The following PIP4P1 variants were observed in gnomAD, a reference collection of about 807,000 sequenced individuals.
PIP4P1 encodes phosphatidylinositol-4,5-bisphosphate 4-phosphatase 1, also known as type 1 phosphatidylinositol 4,5-bisphosphate 4-phosphatase.
A neutral mutation model predicts 32.3 loss-of-function variants in PIP4P1; 14 were observed. The observed-to-expected ratio is 0.43, with a 90% CI of 0.29 to 0.68. PIP4P1 has a LOEUF of 0.68. Ranked by LOEUF, PIP4P1 falls within the 30% of genes least tolerant of loss-of-function variation. The pLI is 0.15. For missense variants in PIP4P1, 289 were observed against 364.5 expected (o/e 0.79, Z 1.69); for synonymous variants, 132 against 137.9 (o/e 0.96, Z 0.30).
Position 20,459,186 on chromosome 14 carries a change from G to A in PIP4P1, c.690+20C>T. 1 of 1,613,354 alleles carries A rather than the reference G, an allele frequency of 6.2e-7. No individual in the cohort carries two copies. The highest frequency in any genetic ancestry group is 8.5e-7 in the Non-Finnish European group (1 of 1,179,574). The stretch of plus-strand genomic sequence containing the variant: ...GAGATGAGGCTGCAGAATGAAAGAG[G>A]TTGGGGCAAGGGTACTCACGGCAAG... On this transcript the variant is annotated intron_variant, in intron 6 of 6. Coordinates refer to ENST00000250489, the MANE Select transcript of PIP4P1 (RefSeq NM_144568.4).
At chr14:20,460,020 T>A in intron 3 of PIP4P1, 172 bp downstream of exon 3, 2 of 652,488 alleles carry the variant, frequency 3.1e-6, no homozygotes, top group South Asian at 3.6e-5. Context: ...CATCTCAATA[T>A]TTTTATTGAG....
rs527263825 is a variant in PIP4P1, at chr14:20,461,003, C to T, written c.143-158G>A. 370 of 1,251,434 alleles carry T rather than the reference C, an allele frequency of 3.0e-4. 2 individuals are homozygous for T. In the African/African-American group the frequency reaches 4.4e-3, roughly 15 times the overall value. The allele number at this position is 1,251,434 out of a possible 1,614,324, so 77.5% of individuals were successfully genotyped here. A position where few individuals can be genotyped will look rare whatever the true frequency, so the allele number is the denominator to read the frequency against. On this transcript the variant is annotated intron_variant, in intron 1 of 6. Transcript: ENST00000250489. ...AGGTTGCTCAGAACCCCCTTCCGTC[C>T]CTAGGCTGTGGTCGCGATTACGGAG... is the stretch of plus-strand genomic sequence containing the variant.
chr14:20,458,235 A>G lies in PIP4P1; in HGVS notation c.*324T>C. 2.1e-6 allele frequency: 1 copy of G among 470,102 alleles called. No individual in the cohort carries two copies. The highest frequency in any genetic ancestry group is 6.2e-5 in the East Asian group (1 of 16,024). The allele number at this position is 470,102 out of a possible 1,614,324, so 29.1% of individuals were successfully genotyped here. ...ACCCCCACCCTGCCCTGGAATGTGT[A>G]AGGGACAGGAATGGCTCTCAGGGAG... On this transcript the variant is annotated 3_prime_UTR_variant, in exon 7 of 7. Coordinates refer to ENST00000250489, the MANE Select transcript of PIP4P1 (RefSeq NM_144568.4).
intron 6 of PIP4P1, 27 bp downstream of exon 6, chr14:20,459,179 G>T: frequency 1.2e-6 from 2 of 1,612,024 alleles, no homozygotes; most frequent in South Asian, 2.2e-5. Context: ...GCTGCAGAAT[G>T]AAAGAGGTTG....
Position 20,459,382 on chromosome 14 carries a change from A to T in PIP4P1, c.599+6T>A. On this transcript the variant is annotated splice_donor_region_variant and intron_variant, in intron 5 of 6. Coordinates refer to ENST00000250489, the MANE Select transcript of PIP4P1 (RefSeq NM_144568.4). ...TCAATTACCAGCTCAATCCCTAATCACTTACACTTTCCTGCAGTGAGGACA... is the reference window on the plus strand; with the variant it reads ...TCAATTACCAGCTCAATCCCTAATCTCTTACACTTTCCTGCAGTGAGGACA... 1 of 1,614,194 alleles carries T rather than the reference A, an allele frequency of 6.2e-7. No individual in the cohort carries two copies. Among genetic ancestry groups the T allele is most frequent in the Non-Finnish European group, 8.5e-7 (1 of 1,180,046 alleles).
intron 6 of PIP4P1, 160 bp downstream of exon 6, chr14:20,459,046 G>T: frequency 1.4e-6 from 1 of 725,680 alleles, no homozygotes. Context: ...AATAAAGTCT[G>T]TTTGATCAGC....
intron 1 of PIP4P1, 139 bp from the exon 2 acceptor site, chr14:20,460,984 C>T: frequency 2.4e-6 from 3 of 1,275,556 alleles, no homozygotes; most frequent in Non-Finnish European, 3.1e-6. Flanking sequence ...TATCAGGTTG[C>T]TCAGAACCCC....
At position 20,461,344 on chromosome 14, in the gene PIP4P1, C is replaced by A; in HGVS notation, c.-19G>T. ...CCGCCATGGCCGCCACCGCCGCCTC[C>A]CGCTCAGGTCGGCGATCCGGCTCCC... On this transcript the variant is annotated 5_prime_UTR_variant, in exon 1 of 7. Coordinates refer to ENST00000250489, the MANE Select transcript of PIP4P1 (RefSeq NM_144568.4). 1 of 1,275,522 alleles carries A rather than the reference C, an allele frequency of 7.8e-7. No individual in the cohort carries two copies. Among genetic ancestry groups the A allele is most frequent in the Non-Finnish European group, 9.9e-7 (1 of 1,011,796 alleles). 79.0% of individuals were successfully genotyped at this position (1,275,522 alleles called of 1,614,324 possible).
At chr14:20,460,352 C>T (rs1881655675) in intron 2 of PIP4P1, 54 bp from the exon 3 acceptor site, 1 of 1,308,164 alleles carries the variant, frequency 7.6e-7, no homozygotes, top group East Asian at 2.3e-5. Flanking sequence ...ATCCCCTCCA[C>T]TTCCCTCCAA....
chr14:20,459,111 G>A, intron 6 of PIP4P1, 95 bp downstream of exon 6: 1 of 1,347,804 alleles, frequency 7.4e-7, no homozygotes, highest in Non-Finnish European at 1.0e-6. Flanking sequence ...AGTCCCCCAA[G>A]TTTCTTCCAC....
At position 20,459,358 on chromosome 14, in the gene PIP4P1, C is replaced by G. The variant is rs1261163782; in HGVS notation, c.599+30G>C. On this transcript the variant is annotated intron_variant, in intron 5 of 6. Coordinates refer to ENST00000250489, the MANE Select transcript of PIP4P1 (RefSeq NM_144568.4). ...GCCTTGTAGTTTTTACTCCATACAT[C>G]AATTACCAGCTCAATCCCTAATCAC... The G allele has an allele frequency of 1.9e-6, 3 of 1,614,218 alleles. No individual in the cohort carries two copies. In the South Asian group the frequency reaches 3.3e-5, roughly 18 times the overall value.
chr14:20,461,370 T>A lies in PIP4P1; in HGVS notation c.-45A>T. The A allele has an allele frequency of 8.0e-7, 1 of 1,249,026 alleles. No individual in the cohort carries two copies. Among genetic ancestry groups the A allele is most frequent in the Non-Finnish European group, 1.0e-6 (1 of 997,840 alleles). The allele number at this position is 1,249,026 out of a possible 1,614,324, so 77.4% of individuals were successfully genotyped here. Reference sequence around the variant, plus strand: ...CGCTCAGGTCGGCGATCCGGCTCCCTTCGCCTCTGCCGTCGCCGCAGCCAC... The same window carrying A: ...CGCTCAGGTCGGCGATCCGGCTCCCATCGCCTCTGCCGTCGCCGCAGCCAC... On this transcript the variant is annotated 5_prime_UTR_variant, in exon 1 of 7. The change creates a new upstream start codon in the 5' untranslated region. Coordinates refer to ENST00000250489, the MANE Select transcript of PIP4P1 (RefSeq NM_144568.4).
chr14:20,461,045 C>T (rs915784692), intron 1 of PIP4P1, 139 bp downstream of exon 1: 9 of 1,281,458 alleles, frequency 7.0e-6, no homozygotes, highest in Non-Finnish European at 9.0e-6. Flanking sequence ...AAGCCTCGCC[C>T]AGTCACAGGT....
intron 2 of PIP4P1, 127 bp from the exon 3 acceptor site, chr14:20,460,425 A>C: frequency 1.3e-6 from 1 of 793,674 alleles, no homozygotes; most frequent in African/African-American, 1.7e-5. Flanking sequence ...AAGAAAGACT[A>C]TATCATGAGA....
Position 20,459,724 on chromosome 14 carries a change from G to A in PIP4P1, c.450C>T (p.Ile150=). The A allele has an allele frequency of 1.9e-6, 3 of 1,613,824 alleles. No individual in the cohort carries two copies. The highest frequency in any genetic ancestry group is 2.5e-6 in the Non-Finnish European group (3 of 1,179,868). ...CGGGATGCACAGGCCCCAGGTTGAT[G>A]ATTCTTTTGCTATACAAAAGAAAAA... is the stretch of plus-strand genomic sequence containing the variant. The part of the protein sequence containing the change: ...IACPRPYCKR[I]INLGPVHPGP... The change falls in exon 4 of 7, where the codon ATC becomes ATT. Residue 150 remains isoleucine, a synonymous_variant. Transcript: ENST00000250489.
In PIP4P1 at chr14:20,461,406, G is replaced by GCCACCGCCA. The variant is rs1367507673; in HGVS notation, c.-90_-82dup. 8.3e-7 allele frequency: 1 copy of GCCACCGCCA among 1,210,396 alleles called. No individual in the cohort carries two copies. Among genetic ancestry groups the GCCACCGCCA allele is most frequent in the Non-Finnish European group, 1.0e-6 (1 of 968,446 alleles). 75.0% of individuals were successfully genotyped at this position (1,210,396 alleles called of 1,614,324 possible). On this transcript the variant is annotated 5_prime_UTR_variant, in exon 1 of 7. Coordinates refer to ENST00000250489, the MANE Select transcript of PIP4P1 (RefSeq NM_144568.4). The stretch of plus-strand genomic sequence containing the variant: ...CGTCGCCGCAGCCACCGCCACCGCC[G>GCCACCGCCA]CCACCGCCACCGCCGCTACCGGGTC...
intron 1 of PIP4P1, 46 bp from the exon 2 acceptor site, chr14:20,460,891 C>T: frequency 6.7e-7 from 1 of 1,500,018 alleles, no homozygotes; most frequent in Non-Finnish European, 8.9e-7. Context: ...TACACCCCCA[C>T]TGATGCTCCA....
In PIP4P1 at chr14:20,458,216, A is replaced by G; in HGVS notation, c.*343T>C. 1 of 427,600 alleles carries G rather than the reference A, an allele frequency of 2.3e-6. No individual in the cohort carries two copies. Among genetic ancestry groups the G allele is most frequent in the Admixed American group, 2.7e-5 (1 of 37,578 alleles). The allele number at this position is 427,600 out of a possible 1,614,324, so 26.5% of individuals were successfully genotyped here. On this transcript the variant is annotated 3_prime_UTR_variant, in exon 7 of 7. Coordinates refer to ENST00000250489, the MANE Select transcript of PIP4P1 (RefSeq NM_144568.4). ...GGAACCCCCAGGGCTACCCACCCCCACCCTGCCCTGGAATGTGTAAGGGAC... is the reference window on the plus strand; with the variant it reads ...GGAACCCCCAGGGCTACCCACCCCCGCCCTGCCCTGGAATGTGTAAGGGAC...
At chr14:20,459,834 C>T in intron 3 of PIP4P1, 101 bp from the exon 4 acceptor site, 1 of 845,382 alleles carries the variant, frequency 1.2e-6, no homozygotes, top group South Asian at 1.5e-5. Flanking sequence ...CACTCCCTGT[C>T]TATTAAGTCA....
Sources: gnomAD v4.1 joint callset for allele counts on GRCh38, gnomAD v4.1.1 for gene constraint, MANE v1.5 for transcripts, NCBI Gene and HGNC (gene_info 2026-07-23, HGNC 2026-07-21) for gene names.